The following FSTL4 variants were observed in gnomAD, a reference collection of about 807,000 sequenced individuals.
FSTL4 encodes follistatin like 4, also known as follistatin-related protein 4.
Under a neutral mutation model 78.2 loss-of-function variants are expected in FSTL4, and 28 were observed. The ratio of observed to expected loss-of-function variants is 0.36; its 90% CI spans 0.27 to 0.49. The LOEUF (loss-of-function observed/expected upper bound fraction) is 0.49. FSTL4 is among the 20% of genes least tolerant of loss of function. The pLI is 0.98. For synonymous variants in FSTL4, 422 were observed against 440.5 expected (o/e 0.96, Z 0.53); for missense variants, 922 against 1,084.9 (o/e 0.85, Z 2.11).
Position 133,225,223 on chromosome 5 carries a change from G to A in FSTL4, c.1239C>T (p.Cys413=), listed in dbSNP as rs774861386. 1 of 1,613,954 alleles carries A rather than the reference G, an allele frequency of 6.2e-7. No individual in the cohort carries two copies. Among genetic ancestry groups the A allele is most frequent in the African/African-American group, 1.3e-5 (1 of 75,050 alleles). The change falls in exon 10 of 16, where the codon TGC becomes TGT. Residue 413 remains cysteine, a synonymous_variant. Coordinates refer to ENST00000265342, the MANE Select transcript of FSTL4 (RefSeq NM_015082.2). The surrounding 1 kb of genome is among the most constrained non-coding windows in gnomAD (Gnocchi z 4.6). ...VRYEDTGAYT[C]IAKNEVGVDE... is the part of the protein sequence containing the mutation. ...CCACACCCACTTCATTTTTGGCAAT[G>A]CAGGTGTATGCCCCTGTGTCTTCAT...
At chr5:133,825,588 C>T in the FSTL4 span, among the ~76,000 whole-genome samples, 9 of 152,258 alleles carry the variant, frequency 5.9e-5, no homozygotes, top group Admixed American at 3.9e-4. Context: ...TAAAACTATC[C>T]GCGGGGGTGG....
chr5:133,400,566 C>T (rs1176169120), intron 4 of FSTL4, among the ~76,000 whole-genome samples, 172 bp downstream of exon 4: 1 of 152,226 alleles, frequency 6.6e-6, no homozygotes, highest in African/African-American at 2.4e-5. Context: ...AGGTGGGACA[C>T]AGAGTATGCA....
At chr5:133,498,720 A>G (rs1209059315) in intron 3 of FSTL4, among the ~76,000 whole-genome samples, 1 of 147,382 alleles carries the variant, frequency 6.8e-6, no homozygotes, top group Non-Finnish European at 1.5e-5. Flanking sequence ...TCAGTCTCCA[A>G]AAAAAAAAAA....
intron 4 of FSTL4, among the ~76,000 whole-genome samples, chr5:133,320,658 C>T (rs557705568): frequency 2.6e-5 from 4 of 152,300 alleles, no homozygotes; most frequent in Admixed American, 1.3e-4. Flanking sequence ...GTCCAGCCCT[C>T]GTCTGCTGTG....
intron 3 of FSTL4, among the ~76,000 whole-genome samples, chr5:133,420,465 G>A (rs980321527): frequency 1.3e-5 from 2 of 152,176 alleles, no homozygotes; most frequent in Non-Finnish European, 2.9e-5. Context: ...GGAAATTTAA[G>A]AAATCTTTTA....
chr5:133,829,362 G>A, the FSTL4 span, among the ~76,000 whole-genome samples: 18 of 151,694 alleles, frequency 1.2e-4, no homozygotes, highest in Admixed American at 5.3e-4. Flanking sequence ...CTCCAGCCTC[G>A]GCAACAGAGT....
the FSTL4 span, among the ~76,000 whole-genome samples, chr5:133,837,911 A>G: frequency 0.9 from 136,530 of 151,950 alleles, 62,340 homozygotes; most frequent in South Asian, 0.99. Flanking sequence ...ATTTTAGGAC[A>G]GAGTCTTGCT....
chr5:133,611,012 A>C lies in FSTL4; in HGVS notation c.-11+1313T>G, dbSNP rs1413604767. 5.3e-5 allele frequency among the ~76,000 whole-genome samples: 8 copies of C among 152,068 alleles called. No homozygotes were observed. Among genetic ancestry groups the C allele is most frequent in the Non-Finnish European group, 1.5e-5 (1 of 68,008 alleles). On this transcript the variant is annotated intron_variant, in intron 1 of 15. Coordinates refer to ENST00000265342, the MANE Select transcript of FSTL4 (RefSeq NM_015082.2). This position sits in a 1 kb window ranked among gnomAD's most constrained non-coding sequence, Gnocchi z 4.9. ...CCCCATCTAGTACAATTCCTGGTGC[A>C]CAGGCTTGCAACAAATTTACGAAGG...
At chr5:133,797,447 TG>T in the FSTL4 span, among the ~76,000 whole-genome samples, 1 of 152,254 alleles carries the variant, frequency 6.6e-6, no homozygotes, top group Admixed American at 6.5e-5. Context: ...CCTTAGATGT[TG>T]TTTAAAATTT....
intron 3 of FSTL4, among the ~76,000 whole-genome samples, chr5:133,546,804 C>T (rs1274883564): frequency 1.3e-5 from 2 of 152,180 alleles, no homozygotes; most frequent in Non-Finnish European, 2.9e-5. Flanking sequence ...TAGCACTCCT[C>T]TGCCAACCCA....
At chr5:133,260,192 C>T (rs1021307929) in intron 6 of FSTL4, among the ~76,000 whole-genome samples, 8 of 152,234 alleles carry the variant, frequency 5.3e-5, no homozygotes, top group Non-Finnish European at 8.8e-5. Flanking sequence ...AAGGCAGACA[C>T]AGAGCCTCCC....
At chr5:133,513,991 A>G (rs1487721619) in intron 3 of FSTL4, among the ~76,000 whole-genome samples, 2 of 152,112 alleles carry the variant, frequency 1.3e-5, no homozygotes, top group Non-Finnish European at 2.9e-5. Context: ...ATCCTGGCTA[A>G]CACGGTGAAA....
chr5:133,795,211 G>A, the FSTL4 span, among the ~76,000 whole-genome samples: 68,404 of 152,092 alleles, frequency 0.45, 17,727 homozygotes, highest in Middle Eastern at 0.67. Flanking sequence ...GGCTGGCTAT[G>A]GGGCCAAATG....
intron 3 of FSTL4, among the ~76,000 whole-genome samples, chr5:133,457,307 G>T (rs2127015552): frequency 6.6e-6 from 1 of 152,248 alleles, no homozygotes; most frequent in Non-Finnish European, 1.5e-5. Context: ...TCCTTTGCTG[G>T]CTGCTTCCAG....
At chr5:133,700,036 C>T in the FSTL4 span, among the ~76,000 whole-genome samples, 1 of 152,150 alleles carries the variant, frequency 6.6e-6, no homozygotes, top group Non-Finnish European at 1.5e-5. Context: ...CCGCGGTCTT[C>T]ATTCAGGCCC....
At chr5:133,529,605 T>C (rs1454734893) in intron 3 of FSTL4, among the ~76,000 whole-genome samples, 1 of 152,216 alleles carries the variant, frequency 6.6e-6, no homozygotes, top group East Asian at 1.9e-4. Flanking sequence ...CTCCATTTTA[T>C]AGATGAGGAT....
chr5:133,546,973 G>A (rs1759588076), intron 3 of FSTL4, among the ~76,000 whole-genome samples: 1 of 152,150 alleles, frequency 6.6e-6, no homozygotes, highest in African/African-American at 2.4e-5. Context: ...GAACACCCTG[G>A]GGGCCCAGGA....
At chr5:133,713,074 G>C in the FSTL4 span, among the ~76,000 whole-genome samples, 6 of 152,066 alleles carry the variant, frequency 3.9e-5, no homozygotes, top group Non-Finnish European at 7.3e-5. Context: ...GTTATCCTAG[G>C]ATAACAGGTA....
rs1030339688 is a variant in FSTL4 at position 133,573,061 on chromosome 5, A to G, written c.127-5842T>C. 3.9e-5 allele frequency among the ~76,000 whole-genome samples: 6 copies of G among 152,096 alleles called. No individual in the cohort carries two copies. In the East Asian group the frequency reaches 1.2e-3, roughly 29 times the overall value. On this transcript the variant is annotated intron_variant, in intron 2 of 15. Coordinates refer to ENST00000265342, the MANE Select transcript of FSTL4 (RefSeq NM_015082.2). ...AGATCGAGACCATCCTGGCTAACACAGTGTAACCCTATCTCTACTAAAAAT... is the reference window on the plus strand; with the variant it reads ...AGATCGAGACCATCCTGGCTAACACGGTGTAACCCTATCTCTACTAAAAAT...
Sources: gnomAD v4.1 joint callset for allele counts (sites outside exome capture counted in the v4.1 genomes callset) on GRCh38, gnomAD v4.1.1 for gene constraint, Gnocchi (gnomAD v3.1) non-coding constraint, MANE v1.5 for transcripts, NCBI Gene and HGNC (gene_info 2026-07-23, HGNC 2026-07-21) for gene names.